Variants in ARFGEF1 observed in about 807,000 individuals in gnomAD.
ARFGEF1 encodes the protein ARF guanine nucleotide exchange factor 1.
Under a neutral mutation model 231.0 loss-of-function variants are expected in ARFGEF1, and 42 were observed. The observed-to-expected ratio is 0.18, with a 90% CI of 0.14 to 0.24. The LOEUF (loss-of-function observed/expected upper bound fraction) is 0.24, where lower values mean the gene tolerates loss of function less well. Ranked by LOEUF, ARFGEF1 falls within the 10% of genes least tolerant of loss-of-function variation. ARFGEF1 has a pLI of 1.00. For synonymous variants in ARFGEF1, 710 were observed against 732.3 expected (o/e 0.97, Z 0.49); for missense variants, 1,345 against 2,192.0 (o/e 0.61, Z 7.72).
intron 1 of ARFGEF1, among the ~76,000 whole-genome samples, chr8:67,340,295 G>A (rs1037534420): frequency 6.6e-6 from 1 of 152,176 alleles, no homozygotes; most frequent in Non-Finnish European, 1.5e-5. Flanking sequence ...TGGGTATTTA[G>A]AAGGGTTATA....
chr8:67,264,446 A>G (rs902712856), intron 14 of ARFGEF1, among the ~76,000 whole-genome samples: 2 of 152,168 alleles, frequency 1.3e-5, no homozygotes, highest in African/African-American at 4.8e-5. Context: ...GGTTACTACC[A>G]TAAATAAGAA....
downstream of ARFGEF1, chr8:67,196,401 G>A (rs1837945991): frequency 6.6e-6 from 1 of 152,172 alleles, no homozygotes; most frequent in Admixed American, 6.5e-5. Flanking sequence ...GTCCATGTGA[G>A]TTTTCTAATC....
intron 30 of ARFGEF1, 96 bp from the exon 31 acceptor site, chr8:67,218,234 AAATG>A: frequency 4.2e-6 from 1 of 238,076 alleles, no homozygotes. Flanking sequence ...ATATATATAT[AAATG>A]TTTTCATATT....
intron 13 of ARFGEF1, among the ~76,000 whole-genome samples, 193 bp from the exon 14 acceptor site, chr8:67,266,400 G>A (rs1804854276): frequency 1.3e-5 from 2 of 152,138 alleles, no homozygotes; most frequent in Admixed American, 1.3e-4. Context: ...TACGTGTATA[G>A]TCTGCACCAT....
chr8:67,335,995 T>C (rs1808330751), intron 1 of ARFGEF1, among the ~76,000 whole-genome samples: 2 of 152,074 alleles, frequency 1.3e-5, no homozygotes, highest in South Asian at 4.1e-4. Flanking sequence ...ATGATCCACC[T>C]GCCTCGGCCT....
intron 5 of ARFGEF1, among the ~76,000 whole-genome samples, chr8:67,186,970 C>CATCTATCTATCTATCT (rs59504632): frequency 4.4e-4 from 66 of 149,870 alleles, no homozygotes; most frequent in East Asian, 1.6e-3. Flanking sequence ...ATCTATCTAT[C>CATCTATCTATCTATCT]ATCTATCTAT....
chr8:67,181,894 T>G (rs1833146143), intron 5 of ARFGEF1, among the ~76,000 whole-genome samples: 1 of 152,220 alleles, frequency 6.6e-6, no homozygotes, highest in Non-Finnish European at 1.5e-5. Flanking sequence ...TTGACTACTC[T>G]AGGACCTCAT....
At chr8:67,236,363 A>AAAAAAATATAT in intron 22 of ARFGEF1, among the ~76,000 whole-genome samples, 1 of 37,674 alleles carries the variant, frequency 2.7e-5, no homozygotes, top group Non-Finnish European at 4.6e-5. Context: ...AAAAAAAAAA[A>AAAAAAATATAT]AAATATATAT....
At chr8:67,298,448 G>A (rs764448870) in intron 4 of ARFGEF1, among the ~76,000 whole-genome samples, 32 of 152,272 alleles carry the variant, frequency 2.1e-4, no homozygotes, top group African/African-American at 6.7e-4. Flanking sequence ...TGGGTGCAAC[G>A]ATATCAGGAG....
chr8:67,314,090 TG>T (rs1236957416), intron 1 of ARFGEF1, among the ~76,000 whole-genome samples: 13 of 152,106 alleles, frequency 8.5e-5, no homozygotes, highest in African/African-American at 3.1e-4. Context: ...CCATGAAAAC[TG>T]AAGGGTCAGT....
chr8:67,281,815 C>A (rs1300801809), intron 7 of ARFGEF1, among the ~76,000 whole-genome samples: 1 of 151,824 alleles, frequency 6.6e-6, no homozygotes, highest in East Asian at 1.9e-4. Flanking sequence ...AAGGACTCAA[C>A]CAAAATATTA....
At chr8:67,220,488 G>C (rs911415708) in intron 29 of ARFGEF1, among the ~76,000 whole-genome samples, 3 of 152,184 alleles carry the variant, frequency 2.0e-5, no homozygotes, top group Non-Finnish European at 4.4e-5. Flanking sequence ...TTCTCAACAA[G>C]ATTTTGTTAA....
intron 18 of ARFGEF1, among the ~76,000 whole-genome samples, chr8:67,253,234 A>C (rs1252101580): frequency 6.6e-6 from 1 of 152,180 alleles, no homozygotes; most frequent in Non-Finnish European, 1.5e-5. Context: ...ACTCTCTTTT[A>C]AATTAAAAAG....
At chr8:67,182,770 T>C (rs1175648839) in intron 5 of ARFGEF1, among the ~76,000 whole-genome samples, 1 of 152,262 alleles carries the variant, frequency 6.6e-6, no homozygotes, top group Non-Finnish European at 1.5e-5. Context: ...TATTGACTAA[T>C]TGTACATCAT....
At chr8:67,331,183 A>C (rs78213284) in intron 1 of ARFGEF1, among the ~76,000 whole-genome samples, 2,467 of 152,318 alleles carry the variant, frequency 0.016, 69 homozygotes, top group African/African-American at 0.057. Flanking sequence ...AAAATTACTT[A>C]GTAACTGCTA....
intron 10 of ARFGEF1, among the ~76,000 whole-genome samples, chr8:67,271,138 A>G (rs1159294958): frequency 6.6e-6 from 1 of 151,746 alleles, no homozygotes; most frequent in Admixed American, 6.6e-5. Context: ...TAAATCTCTG[A>G]CAATATTTTA....
At chr8:67,216,203 A>T (rs1322183448) in intron 33 of ARFGEF1, among the ~76,000 whole-genome samples, 2 of 152,126 alleles carry the variant, frequency 1.3e-5, no homozygotes, top group East Asian at 3.9e-4. Context: ...TTCCCTCCTA[A>T]ATTCATAATA....
intron 10 of ARFGEF1, among the ~76,000 whole-genome samples, chr8:67,269,729 G>A (rs761219650): frequency 4.6e-5 from 7 of 151,844 alleles, no homozygotes; most frequent in East Asian, 1.9e-4. Flanking sequence ...CCTCATTATC[G>A]CCCCCTGAGG....
At chr8:67,290,378 T>A (rs1226334460) in intron 6 of ARFGEF1, among the ~76,000 whole-genome samples, 1 of 152,188 alleles carries the variant, frequency 6.6e-6, no homozygotes, top group Non-Finnish European at 1.5e-5. Flanking sequence ...GTTTCCTTGA[T>A]TGGAAATTTC....
Sources: gnomAD v4.1 joint callset for allele counts (sites outside exome capture counted in the v4.1 genomes callset) on GRCh38, gnomAD v4.1.1 for gene constraint, MANE v1.5 for transcripts, NCBI Gene and HGNC (gene_info 2026-07-23, HGNC 2026-07-21) for gene names.